Variants in PDE4D observed in about 807,000 individuals in gnomAD.
PDE4D encodes 3',5'-cyclic-AMP phosphodiesterase 4D.
PDE4D carries 24 observed loss-of-function variants against 87.4 expected under a neutral mutation model. The observed-to-expected ratio is 0.27, with a 90% CI of 0.20 to 0.39. The LOEUF (loss-of-function observed/expected upper bound fraction) is 0.39. PDE4D is among the 10% of genes least tolerant of loss of function. The probability of loss-of-function intolerance (pLI) is 1.00; values close to 1 mark genes in which losing one functional copy is unlikely to be tolerated. For synonymous variants in PDE4D, 384 were observed against 383.2 expected (o/e 1.00, Z -0.02); for missense variants, 714 against 1,041.0 (o/e 0.69, Z 4.32).
intron 1 of PDE4D, among the ~76,000 whole-genome samples, chr5:59,304,103 C>T (rs1245101533): frequency 2.0e-5 from 3 of 151,974 alleles, no homozygotes; most frequent in South Asian, 2.1e-4. Flanking sequence ...AGAAGTCTCT[C>T]GACTCCTTTG....
At chr5:60,489,488 T>G (rs1749402452), upstream of PDE4D, among the ~76,000 whole-genome samples, 1 of 152,206 alleles carries the variant, frequency 6.6e-6, no homozygotes, top group African/African-American at 2.4e-5. Context: ...AACTTGAGAT[T>G]TGACACCAGA....
intron 1 of PDE4D, among the ~76,000 whole-genome samples, chr5:59,870,428 T>C (rs1747654507): frequency 6.6e-6 from 1 of 152,194 alleles, no homozygotes; most frequent in Admixed American, 6.5e-5. Context: ...ACTCGATATA[T>C]CCTCAAAAGC....
chr5:59,401,910 C>T (rs1045538717), intron 1 of PDE4D, among the ~76,000 whole-genome samples: 2 of 152,154 alleles, frequency 1.3e-5, no homozygotes, highest in African/African-American at 4.8e-5. Flanking sequence ...CTGGAAAGCC[C>T]TTCTTTTGAA....
chr5:59,732,002 A>G (rs1757424953), intron 1 of PDE4D, among the ~76,000 whole-genome samples: 1 of 152,192 alleles, frequency 6.6e-6, no homozygotes, highest in Non-Finnish European at 1.5e-5. Context: ...AATCCCAATC[A>G]TTGCCACTGC....
At chr5:60,244,599 G>C (rs1747503518) in intron 1 of PDE4D, among the ~76,000 whole-genome samples, 1 of 151,886 alleles carries the variant, frequency 6.6e-6, no homozygotes, top group South Asian at 2.1e-4. Context: ...CATAAAGGCA[G>C]ACACATAGAC....
Position 59,611,121 on chromosome 5 carries a change from G to A in PDE4D, c.455+282047C>T, listed in dbSNP as rs925644003. On this transcript the variant is annotated intron_variant, in intron 1 of 14. Coordinates refer to ENST00000340635, the MANE Select transcript of PDE4D (RefSeq NM_001104631.2). ...TATAACAAAATACCTGAGTAGATTA[G>A]AAATAGCAGAAATTTATTGCTGACA... Among the ~76,000 whole-genome samples the A allele has an allele frequency of 2.6e-5, 4 of 152,266 alleles. No individual in the cohort carries two copies. In the South Asian group the frequency reaches 6.2e-4, roughly 24 times the overall value.
chr5:59,505,005 A>C (rs1265495741), intron 1 of PDE4D, among the ~76,000 whole-genome samples: 1 of 151,134 alleles, frequency 6.6e-6, no homozygotes, highest in African/African-American at 2.4e-5. Context: ...AGGGCTGCTC[A>C]TTAGTCTTAA....
chr5:59,113,047 C>T (rs760834833), intron 5 of PDE4D, among the ~76,000 whole-genome samples: 6 of 152,004 alleles, frequency 3.9e-5, no homozygotes, highest in East Asian at 3.9e-4. Flanking sequence ...GTGATCCAAC[C>T]GCCTTGGCCT....
At chr5:59,327,264 G>A (rs1561964359) in intron 1 of PDE4D, among the ~76,000 whole-genome samples, 1 of 151,532 alleles carries the variant, frequency 6.6e-6, no homozygotes, top group East Asian at 1.9e-4. Context: ...ATAACTGAAT[G>A]GTCTCTGGAT....
chr5:59,231,763 C>G (rs918258284), intron 1 of PDE4D, among the ~76,000 whole-genome samples: 3 of 152,220 alleles, frequency 2.0e-5, no homozygotes, highest in African/African-American at 7.2e-5. Flanking sequence ...GTCTTTACTT[C>G]TACCACCTTC....
At chr5:59,632,072 A>G (rs1212637602) in intron 1 of PDE4D, among the ~76,000 whole-genome samples, 2 of 152,114 alleles carry the variant, frequency 1.3e-5, no homozygotes, top group Non-Finnish European at 2.9e-5. Context: ...GGTGTCCGCC[A>G]TTACTGAGGC....
At chr5:59,453,914 A>C (rs1799523109) in intron 1 of PDE4D, among the ~76,000 whole-genome samples, 1 of 152,236 alleles carries the variant, frequency 6.6e-6, no homozygotes, top group Non-Finnish European at 1.5e-5. Flanking sequence ...AGAATAAGTC[A>C]ATGTTTGGCT....
chr5:60,321,628 A>C (rs1294834338), intron 1 of PDE4D, among the ~76,000 whole-genome samples: 1 of 152,226 alleles, frequency 6.6e-6, no homozygotes, highest in Non-Finnish European at 1.5e-5. Context: ...AATGGGAGAA[A>C]ATATTTGCAA....
At chr5:59,157,401 C>T (rs1292985979) in intron 5 of PDE4D, 1 of 701,778 alleles carries the variant, frequency 1.4e-6, no homozygotes, top group Non-Finnish European at 2.6e-6. Context: ...GATCCGAAGA[C>T]ATTTTTCTAA....
At chr5:60,037,619 T>C (rs1330407825) in intron 2 of PDE4D, among the ~76,000 whole-genome samples, 1 of 152,190 alleles carries the variant, frequency 6.6e-6, no homozygotes, top group African/African-American at 2.4e-5. Flanking sequence ...TGGTGGGGTT[T>C]TTGCTGAAGC....
At chr5:59,482,788 C>A in intron 1 of PDE4D, among the ~76,000 whole-genome samples, 1 of 152,128 alleles carries the variant, frequency 6.6e-6, no homozygotes, top group East Asian at 1.9e-4. Context: ...TAATAACCAT[C>A]ATTTTTCTAT....
intron 1 of PDE4D, among the ~76,000 whole-genome samples, chr5:60,446,079 AG>A (rs1745617598): frequency 6.6e-6 from 1 of 152,200 alleles, no homozygotes; most frequent in Admixed American, 6.5e-5. Context: ...TAACAAACAC[AG>A]AAAAACCACA....
chr5:60,067,010 T>C lies in PDE4D; in HGVS notation c.43-78293A>G, dbSNP rs1445989212. 3.3e-5 allele frequency among the ~76,000 whole-genome samples: 5 copies of C among 152,072 alleles called. 1 individual carries two copies. Among genetic ancestry groups the C allele is most frequent in the Non-Finnish European group, 5.9e-5 (4 of 67,996 alleles). On this transcript the variant is annotated intron_variant, in intron 2 of 16. Transcript: ENST00000502484. ...TCAATGATTATTAACAATACAATAA[T>C]AAAATACGAAAGAAAGTTCAAAAAC...
rs1773486462 is a variant in PDE4D at position 60,077,865 on chromosome 5, C to A, written c.43-89148G>T. On this transcript the variant is annotated intron_variant, in intron 2 of 16. Transcript: ENST00000502484. ...CATGCGAGAGTGGATCGCTCCTGGC[C>A]TGTTCAATTCACCCCATCCCCAGGA... is the stretch of plus-strand genomic sequence containing the variant. Among the ~76,000 whole-genome samples, 3 of 152,174 alleles carry A rather than the reference C, an allele frequency of 2.0e-5. No homozygotes were observed. In the South Asian group the frequency reaches 6.2e-4, roughly 31 times the overall value.
Sources: gnomAD v4.1 joint callset for allele counts (sites outside exome capture counted in the v4.1 genomes callset) on GRCh38, gnomAD v4.1.1 for gene constraint, MANE v1.5 for transcripts, NCBI Gene and HGNC (gene_info 2026-07-23, HGNC 2026-07-21) for gene names.